Variants in RORA observed in about 807,000 individuals in gnomAD.
The protein encoded by RORA is nuclear receptor ROR-alpha.
RORA carries 7 observed loss-of-function variants against 69.5 expected under a neutral mutation model. The observed-to-expected ratio is 0.10, with a 90% CI of 0.06 to 0.19. The LOEUF is 0.19. Among genes scored for constraint, RORA ranks in the 10% least tolerant of loss-of-function variants. The probability of loss-of-function intolerance (pLI) is 1.00; values close to 1 mark genes in which losing one functional copy is unlikely to be tolerated. For synonymous variants in RORA, 261 were observed against 240.8 expected, an observed-to-expected ratio of 1.08 and a Z score of -0.78; for missense variants, 457 against 663.0, an observed-to-expected ratio of 0.69 and a Z score of 3.41.
intron 1 of RORA, among the ~76,000 whole-genome samples, chr15:60,809,215 A>G (rs1384120): frequency 0.69 from 105,245 of 152,080 alleles, 37,425 homozygotes; most frequent in Non-Finnish European, 0.79. Context: ...TCTAAATTCT[A>G]TAAATAAATA....
chr15:60,858,512 G>C (rs1301676397), intron 1 of RORA, among the ~76,000 whole-genome samples: 6 of 151,940 alleles, frequency 3.9e-5, no homozygotes, highest in Non-Finnish European at 1.5e-5. Context: ...ATGAGCTCAG[G>C]CGGGAGAAGA....
intron 2 of RORA, among the ~76,000 whole-genome samples, chr15:60,568,501 G>A (rs2067780915): frequency 6.6e-6 from 1 of 152,154 alleles, no homozygotes; most frequent in East Asian, 1.9e-4. Context: ...GGCTCAGTGT[G>A]GTGTCAGAAT....
chr15:61,007,016 T>C (rs962610514), intron 1 of RORA, among the ~76,000 whole-genome samples: 7 of 151,872 alleles, frequency 4.6e-5, no homozygotes, highest in African/African-American at 1.7e-4. Context: ...GGTTAAGAGG[T>C]CATGCCAGTT....
intron 1 of RORA, among the ~76,000 whole-genome samples, chr15:60,706,615 T>C (rs2071066572): frequency 6.6e-6 from 1 of 152,244 alleles, no homozygotes; most frequent in South Asian, 2.1e-4. Context: ...CTGCAAGTGC[T>C]GCTCCATTTC....
At chr15:61,175,260 T>C (rs887781353) in intron 1 of RORA, among the ~76,000 whole-genome samples, 2 of 151,830 alleles carry the variant, frequency 1.3e-5, no homozygotes, top group African/African-American at 4.8e-5. Flanking sequence ...TTTAGGAAAA[T>C]TTAGGATTCA....
intron 1 of RORA, among the ~76,000 whole-genome samples, chr15:60,680,458 C>T (rs1000183622): frequency 6.6e-6 from 1 of 151,636 alleles, no homozygotes; most frequent in African/African-American, 2.4e-5. Flanking sequence ...ATTTTCATGA[C>T]GATTACATTG....
intron 1 of RORA, among the ~76,000 whole-genome samples, chr15:60,942,911 C>A (rs896736528): frequency 7.2e-5 from 11 of 152,278 alleles, no homozygotes; most frequent in African/African-American, 2.6e-4. Context: ...ATTATCAAGC[C>A]CACGAAGCCC....
intron 1 of RORA, among the ~76,000 whole-genome samples, chr15:60,757,424 C>T (rs1276325256): frequency 4.6e-5 from 7 of 152,192 alleles, no homozygotes; most frequent in African/African-American, 1.7e-4. Flanking sequence ...AGTCAAACTT[C>T]TGCAAAGAGT....
chr15:60,744,058 T>G (rs2071614378), intron 1 of RORA, among the ~76,000 whole-genome samples: 1 of 147,710 alleles, frequency 6.8e-6, no homozygotes, highest in African/African-American at 2.5e-5. Flanking sequence ...GCACTAGGGT[T>G]GAAAAAAAAA....
At chr15:61,041,684 A>G (rs1896780456) in intron 1 of RORA, among the ~76,000 whole-genome samples, 1 of 152,148 alleles carries the variant, frequency 6.6e-6, no homozygotes, top group Non-Finnish European at 1.5e-5. Context: ...TCACATTCCC[A>G]AAGTGCTGGA....
At chr15:60,766,091 A>G (rs1190148825) in intron 1 of RORA, among the ~76,000 whole-genome samples, 1 of 152,162 alleles carries the variant, frequency 6.6e-6, no homozygotes, top group Admixed American at 6.5e-5. Flanking sequence ...TCTCTGAACC[A>G]TTATGATATT....
intron 1 of RORA, among the ~76,000 whole-genome samples, chr15:61,066,477 A>C (rs1267706869): frequency 8.4e-6 from 1 of 119,732 alleles, no homozygotes; most frequent in Non-Finnish European, 1.6e-5. Flanking sequence ...CCCAGGCTGG[A>C]GTGCAATGGT....
rs182704745 is a variant in RORA at position 61,192,238 on chromosome 15, G to A, written c.166+36815C>T. Reference sequence around the variant, plus strand: ...CTCTCATTTAGACAGGCTGCTCTTCGCTATAAAATAGTCATTCTGTAAATT... The same window carrying A: ...CTCTCATTTAGACAGGCTGCTCTTCACTATAAAATAGTCATTCTGTAAATT... On this transcript the variant is annotated intron_variant, in intron 1 of 10. Transcript: ENST00000335670. Among the ~76,000 whole-genome samples the A allele has an allele frequency of 1.6e-3, 244 of 152,304 alleles. 3 individuals are homozygous for A. The highest frequency in any genetic ancestry group is 3.8e-4 in the Non-Finnish European group (26 of 68,028).
chr15:60,609,107 G>T (rs535240170), intron 2 of RORA, among the ~76,000 whole-genome samples: 46 of 152,218 alleles, frequency 3.0e-4, no homozygotes, highest in African/African-American at 1.1e-3. Context: ...ACATGGTCAG[G>T]AGGTCTAGGC....
chr15:60,981,244 G>A lies in RORA; in HGVS notation c.166+247809C>T, dbSNP rs115949997. ...TTACTGCTTTTGAGATTCTCTATTC[G>A]TCTTTGATTTTCAACAGTTTGATTA... On this transcript the variant is annotated intron_variant, in intron 1 of 10. Transcript: ENST00000335670. 2.0e-3 allele frequency among the ~76,000 whole-genome samples: 305 copies of A among 151,824 alleles called. 3 individuals are homozygous for A. Among genetic ancestry groups the A allele is most frequent in the African/African-American group, 6.9e-3 (285 of 41,400 alleles).
At chr15:60,547,526 A>G (rs1482492807) in intron 2 of RORA, among the ~76,000 whole-genome samples, 1 of 150,968 alleles carries the variant, frequency 6.6e-6, no homozygotes, top group African/African-American at 2.4e-5. Context: ...GGGTTTCTCC[A>G]TGTTGGCCAG....
At chr15:60,838,617 C>A (rs193096444) in intron 1 of RORA, among the ~76,000 whole-genome samples, 32 of 152,332 alleles carry the variant, frequency 2.1e-4, no homozygotes, top group Non-Finnish European at 3.5e-4. Context: ...GGGAACCCCA[C>A]TCACACCAGA....
At chr15:61,172,270 C>A (rs2079591939) in intron 1 of RORA, among the ~76,000 whole-genome samples, 1 of 152,122 alleles carries the variant, frequency 6.6e-6, no homozygotes, top group Non-Finnish European at 1.5e-5. Flanking sequence ...TACGAAATGA[C>A]AAACACTATA....
At chr15:60,661,598 C>G (rs771237597) in intron 2 of RORA, among the ~76,000 whole-genome samples, 2 of 152,184 alleles carry the variant, frequency 1.3e-5, no homozygotes, top group Non-Finnish European at 2.9e-5. Context: ...TCTATTAATT[C>G]TCTTTGAATA....
Sources: allele counts gnomAD v4.1 joint callset (sites outside exome capture counted in the v4.1 genomes callset), GRCh38; gene constraint gnomAD v4.1.1; transcripts MANE v1.5; gene names NCBI Gene and HGNC (gene_info 2026-07-23, HGNC 2026-07-21).